CACNA1H: variants seen among roughly 807,000 people sequenced by gnomAD.
CACNA1H encodes voltage-dependent T-type calcium channel subunit alpha-1H.
CACNA1H carries 149 observed loss-of-function variants against 192.5 expected under a neutral mutation model. The ratio of observed to expected loss-of-function variants is 0.77; its 90% CI spans 0.68 to 0.89. The LOEUF is 0.89. Ranked by LOEUF, CACNA1H falls within the 40% of genes least tolerant of loss-of-function variation. CACNA1H has a pLI of 0.00. For missense variants in CACNA1H, 4,257 were observed against 3,423.5 expected (o/e 1.24, Z -6.08); for synonymous variants, 2,202 against 1,475.2 (o/e 1.49, Z -11.29).
At chr16:1,197,713 C>T (rs1967156133) in intron 5 of CACNA1H, among the ~76,000 whole-genome samples, 2 of 152,212 alleles carry the variant, frequency 1.3e-5, no homozygotes, top group Non-Finnish European at 2.9e-5. Context: ...GGCTCTGACT[C>T]ACCCTTGTGA....
At chr16:1,191,581 G>C (rs1439008463) in intron 2 of CACNA1H, among the ~76,000 whole-genome samples, 1 of 18,066 alleles carries the variant, frequency 5.5e-5, no homozygotes, top group African/African-American at 3.1e-4. Context: ...TGGCCTGGCT[G>C]TGTGGCCTCA....
chr16:1,194,898 G>A (rs1045452711), intron 2 of CACNA1H, 74 bp from the exon 3 acceptor site: 82 of 1,097,536 alleles, frequency 7.5e-5, no homozygotes, highest in Non-Finnish European at 1.0e-4. Flanking sequence ...CCGGCTGACC[G>A]GGTGGGCATT....
intron 18 of CACNA1H, 40 bp from the exon 19 acceptor site, chr16:1,210,330 G>A (rs1567537731): frequency 7.8e-6 from 11 of 1,406,998 alleles, no homozygotes; most frequent in Admixed American, 6.0e-5. Context: ...TGCCATCCAC[G>A]CCGCCCCGCC....
At chr16:1,205,318 G>A (rs1267101176) in intron 11 of CACNA1H, 53 bp downstream of exon 11, 22 of 1,541,432 alleles carry the variant, frequency 1.4e-5, no homozygotes, top group Non-Finnish European at 1.8e-5. Flanking sequence ...TCCACTCTCT[G>A]GCAGAAATCC....
Position 1,210,861 on chromosome 16 carries a change from G to A in CACNA1H, c.4113G>A (p.Leu1371=). 6.2e-7 allele frequency: 1 copy of A among 1,605,680 alleles called. No homozygotes were observed. Among genetic ancestry groups the A allele is most frequent in the Non-Finnish European group, 8.5e-7 (1 of 1,179,740 alleles). The part of the protein sequence containing the change: ...QSSWNLLDGL[L]VLVSLVDIVV... ...GCTGGAACCTGCTGGATGGGCTGCT[G>A]GTGCTGGTGTCCCTGGTGGACATTG... The change falls in exon 21 of 35, where the codon CTG becomes CTA. Residue 1371 remains leucine (L), a synonymous_variant. Coordinates refer to ENST00000348261, the MANE Select transcript of CACNA1H (RefSeq NM_021098.3).
chr16:1,190,092 C>T lies in CACNA1H; in HGVS notation c.300-4880C>T, dbSNP rs546052766. Among the ~76,000 whole-genome samples, 5 of 152,264 alleles carry T rather than the reference C, an allele frequency of 3.3e-5. No homozygotes were observed. The East Asian group carries it at 5.8e-4, about 18-fold the overall frequency. Reference sequence around the variant, plus strand: ...TGGGCCTCAGGGTCTGGTGGAGGCTCCCTGCCTGAGGGAGACCCCGTAGCC... The same window carrying T: ...TGGGCCTCAGGGTCTGGTGGAGGCTTCCTGCCTGAGGGAGACCCCGTAGCC... On this transcript the variant is annotated intron_variant, in intron 2 of 34. Coordinates refer to ENST00000348261, the MANE Select transcript of CACNA1H (RefSeq NM_021098.3).
At chr16:1,211,367 C>A in intron 22 of CACNA1H, 73 bp downstream of exon 22, 1 of 1,607,224 alleles carries the variant, frequency 6.2e-7, no homozygotes, top group South Asian at 1.1e-5. Context: ...TGGCTCCCAG[C>A]AGCGCCGCTG....
rs998109385 is a variant in CACNA1H at position 1,196,013 on chromosome 16, C to T, written c.633C>T (p.Asn211=). 7 of 1,612,682 alleles carry T rather than the reference C, an allele frequency of 4.3e-6. No individual in the cohort carries two copies. The highest frequency in any genetic ancestry group is 5.9e-6 in the Non-Finnish European group (7 of 1,179,588). ...VRVLRPLRAI[N]RVPSMRILVT... is the part of the protein sequence containing the mutation. ...TGCTGCGGCCCCTCCGCGCCATCAA[C>T]CGCGTGCCTAGTAAGTGACCGGCCC... The change falls in exon 5 of 35, where the codon AAC becomes AAT. Residue 211 remains asparagine, a synonymous_variant. Transcript: ENST00000348261.
intron 6 of CACNA1H, 33 bp from the exon 7 acceptor site, chr16:1,200,223 G>C (rs1289276240): frequency 1.3e-6 from 2 of 1,550,486 alleles, no homozygotes; most frequent in Middle Eastern, 1.7e-4. Flanking sequence ...GACCCTGATT[G>C]TACCTTTTGG....
chr16:1,158,890 C>T (rs1962809615), intron 2 of CACNA1H, among the ~76,000 whole-genome samples: 1 of 151,874 alleles, frequency 6.6e-6, no homozygotes, highest in Admixed American at 6.5e-5. Flanking sequence ...GGCCCCCGCT[C>T]AGCCCGCACC....
chr16:1,219,438 C>A (rs1443110738), intron 34 of CACNA1H, among the ~76,000 whole-genome samples: 1 of 151,856 alleles, frequency 6.6e-6, no homozygotes, highest in Non-Finnish European at 1.5e-5. Flanking sequence ...GGTGGGCAGA[C>A]AGCAGTTTCC....
chr16:1,184,220 G>A (rs1965758030), intron 2 of CACNA1H, among the ~76,000 whole-genome samples: 1 of 152,258 alleles, frequency 6.6e-6, no homozygotes, highest in Admixed American at 6.5e-5. Context: ...CCCTCCCCGA[G>A]CCCTGAGACC....
In CACNA1H at chr16:1,153,172, G is replaced by T; in HGVS notation, c.-317G>T. ...TCGCTCGCTGCCTCACCGGTCCCCG[G>T]CCCGCGCCCCGCGCCCCGCGCCCCG... On this transcript the variant is annotated 5_prime_UTR_variant, in exon 1 of 35. Transcript: ENST00000348261. 1 of 144,138 alleles carries T rather than the reference G, an allele frequency of 6.9e-6. No individual in the cohort carries two copies. The highest frequency in any genetic ancestry group is 1.8e-4 in the South Asian group (1 of 5,420). 8.9% of individuals were successfully genotyped at this position (144,138 alleles called of 1,614,324 possible). A position where few individuals can be genotyped will look rare whatever the true frequency, so the allele number is the denominator to read the frequency against.
intron 9 of CACNA1H, among the ~76,000 whole-genome samples, chr16:1,203,441 C>A (rs908968739): frequency 1.3e-5 from 2 of 152,190 alleles, no homozygotes; most frequent in African/African-American, 4.8e-5. Flanking sequence ...CGTCTCTGCA[C>A]CTAAGTGTGT....
At chr16:1,186,775 T>A (rs1438747970) in intron 2 of CACNA1H, among the ~76,000 whole-genome samples, 2 of 152,188 alleles carry the variant, frequency 1.3e-5, no homozygotes, top group Non-Finnish European at 2.9e-5. Flanking sequence ...GGAGATATTC[T>A]GCCCTTCTAG....
rs151074969 is a variant in CACNA1H at position 1,163,665 on chromosome 16, C to T, written c.299+9629C>T. On this transcript the variant is annotated intron_variant, in intron 2 of 34. Transcript: ENST00000348261. ...AGCGCCTCATTGAAATGGATGGGAA[C>T]TTGTCCCGGGCTGCTGGGGGAAGCT... 1.1e-4 allele frequency among the ~76,000 whole-genome samples: 17 copies of T among 152,342 alleles called. No individual in the cohort carries two copies. The East Asian group carries it at 2.5e-3, about 23-fold the overall frequency.
At position 1,218,438 on chromosome 16, in the gene CACNA1H, C is replaced by T. The variant is rs1292896960; in HGVS notation, c.5674C>T (p.Arg1892Cys). The T allele has an allele frequency of 3.9e-6, 6 of 1,552,662 alleles. No homozygotes were observed. The highest frequency in any genetic ancestry group is 1.7e-4 in the Middle Eastern group (1 of 5,950). Residue 1892 changes from arginine (R) to cysteine (C), a missense_variant, in exon 33 of 35, where the codon CGC becomes TGC. Physicochemically the swap from Arg to Cys is radical, Grantham distance 180. Coordinates refer to ENST00000348261, the MANE Select transcript of CACNA1H (RefSeq NM_021098.3). The stretch of plus-strand genomic sequence containing the variant: ...GATGGCGCAGGGCCCCGGGAGTGCA[C>T]GCCGGGTGGACGCGGACAGGCCTCC... Reference protein sequence around the residue: ...LEMAQGPGSARRVDADRPPLP... With the variant: ...LEMAQGPGSACRVDADRPPLP...
intron 2 of CACNA1H, among the ~76,000 whole-genome samples, chr16:1,192,756 G>T (rs1488075373): frequency 6.6e-6 from 1 of 152,178 alleles, no homozygotes; most frequent in African/African-American, 2.4e-5. Flanking sequence ...AGCAAACATG[G>T]GGCAGGCCTG....
In CACNA1H at chr16:1,159,022, A is replaced by C. The variant is rs543398002; in HGVS notation, c.299+4986A>C. Among the ~76,000 whole-genome samples, 167 of 152,000 alleles carry C rather than the reference A, an allele frequency of 1.1e-3. 1 individual carries two copies. Among genetic ancestry groups the C allele is most frequent in the African/African-American group, 3.8e-3 (157 of 41,428 alleles). On this transcript the variant is annotated intron_variant, in intron 2 of 34. Transcript: ENST00000348261. ...CTGGGATCGTCCTTGGCACTGACTG[A>C]CCTCAGGGCCCCTGTTCGCCTGCCT...
Sources: allele counts gnomAD v4.1 joint callset (sites outside exome capture counted in the v4.1 genomes callset), GRCh38; gene constraint gnomAD v4.1.1; transcripts MANE v1.5; gene names NCBI Gene and HGNC (gene_info 2026-07-23, HGNC 2026-07-21).